Variants in TBX18 observed in about 807,000 individuals in gnomAD.
TBX18 encodes T-box transcription factor TBX18.
Under a neutral mutation model 55.0 loss-of-function variants are expected in TBX18, and 21 were observed. The ratio of observed to expected loss-of-function variants is 0.38; its 90% CI spans 0.27 to 0.55. The LOEUF (loss-of-function observed/expected upper bound fraction) is 0.55. Ranked by LOEUF, TBX18 falls within the 20% of genes least tolerant of loss-of-function variation. The pLI is 0.73. For missense variants in TBX18, 840 were observed against 799.6 expected (o/e 1.05, Z -0.61); for synonymous variants, 342 against 326.1 (o/e 1.05, Z -0.53).
In TBX18 at chr6:84,764,416, T is replaced by G. The variant is rs1767760361; in HGVS notation, c.-235A>C. 5 of 539,980 alleles carry G rather than the reference T, an allele frequency of 9.3e-6. No homozygotes were observed. Among genetic ancestry groups the G allele is most frequent in the South Asian group, 3.3e-5 (1 of 30,444 alleles). 33.4% of individuals were successfully genotyped at this position (539,980 alleles called of 1,614,324 possible). A position where few individuals can be genotyped will look rare whatever the true frequency, so the allele number is the denominator to read the frequency against. ...CCTTTCCTGGGTCTCTCTCGCGCGC[T>G]CTCTCACTGATGCACTCCTTTGCTC... On this transcript the variant is annotated 5_prime_UTR_variant, in exon 1 of 8. Transcript: ENST00000369663.
chr6:84,736,654 G>T lies in TBX18; in HGVS notation c.*31C>A. On this transcript the variant is annotated 3_prime_UTR_variant, in exon 8 of 8. Coordinates refer to ENST00000369663, the MANE Select transcript of TBX18 (RefSeq NM_001080508.3). ...AAAGAAAAAGAAAATATGTTAGACA[G>T]ATCCAAATGTCATTTAACTTAAAGG... 6.7e-7 allele frequency: 1 copy of T among 1,499,746 alleles called. No individual in the cohort carries two copies. 92.9% of individuals were successfully genotyped at this position (1,499,746 alleles called of 1,614,324 possible). A position where few individuals can be genotyped will look rare whatever the true frequency, so the allele number is the denominator to read the frequency against.
At chr6:84,746,656 C>T (rs1034089416) in intron 5 of TBX18, among the ~76,000 whole-genome samples, 2 of 146,120 alleles carry the variant, frequency 1.4e-5, no homozygotes, top group African/African-American at 5.0e-5. Flanking sequence ...TAATTATGTA[C>T]TATATTACAC....
chr6:84,750,283 C>CA (rs546686776), intron 4 of TBX18, among the ~76,000 whole-genome samples: 22,104 of 94,226 alleles, frequency 0.23, 2,259 homozygotes, highest in East Asian at 0.43. Flanking sequence ...GATTCTATCT[C>CA]AAAAAAAAAA....
intron 2 of TBX18, 97 bp from the exon 3 acceptor site, chr6:84,760,453 T>A: frequency 1.4e-6 from 1 of 689,786 alleles, no homozygotes; most frequent in Non-Finnish European, 2.3e-6. Flanking sequence ...ATCTCTATTT[T>A]TAATATGGAT....
chr6:84,743,673 G>A (rs1582068986), intron 6 of TBX18, among the ~76,000 whole-genome samples: 1 of 152,090 alleles, frequency 6.6e-6, no homozygotes, highest in East Asian at 1.9e-4. Context: ...TCTGCTTTTT[G>A]ATAAAAGTAA....
At chr6:84,739,912 T>G (rs914304599) in intron 6 of TBX18, among the ~76,000 whole-genome samples, 1 of 152,208 alleles carries the variant, frequency 6.6e-6, no homozygotes, top group Admixed American at 6.5e-5. Flanking sequence ...TCTCTGTTAA[T>G]TGATTTCTGT....
At chr6:84,754,483 A>G (rs1474881017) in intron 4 of TBX18, among the ~76,000 whole-genome samples, 1 of 152,180 alleles carries the variant, frequency 6.6e-6, no homozygotes, top group Non-Finnish European at 1.5e-5. Flanking sequence ...CTACAACCTT[A>G]AAAGAAAAAT....
At chr6:84,746,177 C>T (rs1767179115) in intron 5 of TBX18, among the ~76,000 whole-genome samples, 1 of 151,838 alleles carries the variant, frequency 6.6e-6, no homozygotes, top group South Asian at 2.1e-4. Context: ...ACTTACTGTA[C>T]CACAGAGGGT....
Position 84,764,505 on chromosome 6 carries a change from A to C in TBX18, c.-324T>G. 3.1e-6 allele frequency: 1 copy of C among 323,242 alleles called. No individual in the cohort carries two copies. Among genetic ancestry groups the C allele is most frequent in the Non-Finnish European group, 5.6e-6 (1 of 178,612 alleles). 20.0% of individuals were successfully genotyped at this position (323,242 alleles called of 1,614,324 possible). A position where few individuals can be genotyped will look rare whatever the true frequency, so the allele number is the denominator to read the frequency against. On this transcript the variant is annotated 5_prime_UTR_variant, in exon 1 of 8. The change creates a premature stop within an existing upstream ORF in the 5' untranslated region. Coordinates refer to ENST00000369663, the MANE Select transcript of TBX18 (RefSeq NM_001080508.3). ...CTCAACTGATGCGCCAGAGAGGACT[A>C]ACATGGGTAAAAAACACTCTGTGGA... is the stretch of plus-strand genomic sequence containing the variant.
chr6:84,739,102 T>A (rs1766973678), intron 6 of TBX18, among the ~76,000 whole-genome samples: 1 of 152,050 alleles, frequency 6.6e-6, no homozygotes, highest in Non-Finnish European at 1.5e-5. Flanking sequence ...GAAGACTGAC[T>A]TCTCTCTCAG....
chr6:84,735,678 TA>T lies in TBX18; in HGVS notation c.*1006del. 1.3e-5 allele frequency: 2 copies of T among 152,236 alleles called. No homozygotes were observed. The highest frequency in any genetic ancestry group is 2.9e-5 in the Non-Finnish European group (2 of 68,032). The allele number at this position is 152,236 out of a possible 1,614,324, so 9.4% of individuals were successfully genotyped here. A position where few individuals can be genotyped will look rare whatever the true frequency, so the allele number is the denominator to read the frequency against. On this transcript the variant is annotated 3_prime_UTR_variant, in exon 8 of 8. Transcript: ENST00000369663. ...AGCATAAATGCATTTTTTTTACTTA[TA>T]TACTATCGGTCAGGAAGCTCAGAGC...
At chr6:84,750,569 T>C (rs868309466) in intron 4 of TBX18, among the ~76,000 whole-genome samples, 1 of 152,110 alleles carries the variant, frequency 6.6e-6, no homozygotes, top group Non-Finnish European at 1.5e-5. Context: ...AATTTATAGA[T>C]AGAAAACTAA....
intron 7 of TBX18, 128 bp downstream of exon 7, chr6:84,738,369 A>G: frequency 2.5e-6 from 2 of 788,268 alleles, no homozygotes; most frequent in Non-Finnish European, 4.4e-6. Flanking sequence ...AGACAGATGG[A>G]ATCTGTAGGA....
intron 5 of TBX18, among the ~76,000 whole-genome samples, chr6:84,745,651 G>T (rs1461968414): frequency 6.6e-6 from 1 of 152,026 alleles, no homozygotes; most frequent in Non-Finnish European, 1.5e-5. Context: ...CTTCTTTACA[G>T]ATCAATATAG....
At position 84,737,347 on chromosome 6, in the gene TBX18, G is replaced by A. The variant is rs1486800357; in HGVS notation, c.1162C>T (p.His388Tyr). The A allele has an allele frequency of 6.4e-7, 1 of 1,567,682 alleles. No individual in the cohort carries two copies. Among genetic ancestry groups the A allele is most frequent in the Non-Finnish European group, 8.6e-7 (1 of 1,159,250 alleles). The part of the protein sequence containing the change: ...TGNGVPATHP[H>Y]LLSGSSCSSP... Reference sequence around the variant, plus strand: ...GAGCAAGAGGAGCCAGACAAAAGGTGAGGGTGAGTGGCAGGAACGCCATTC... The same window carrying A: ...GAGCAAGAGGAGCCAGACAAAAGGTAAGGGTGAGTGGCAGGAACGCCATTC... Residue 388 changes from histidine (H) to tyrosine (Y), a missense_variant, in exon 8 of 8, where the codon CAC becomes TAC. Physicochemically the swap from His to Tyr is moderately conservative, Grantham distance 83. Coordinates refer to ENST00000369663, the MANE Select transcript of TBX18 (RefSeq NM_001080508.3).
intron 3 of TBX18, among the ~76,000 whole-genome samples, chr6:84,757,479 T>C (rs1334307374): frequency 6.6e-6 from 1 of 152,198 alleles, no homozygotes; most frequent in Non-Finnish European, 1.5e-5. Context: ...TTCAGTTTAA[T>C]TGGAAAATTT....
chr6:84,755,928 ATTTCT>A (rs1767475223), intron 4 of TBX18, among the ~76,000 whole-genome samples: 1 of 152,224 alleles, frequency 6.6e-6, no homozygotes, highest in African/African-American at 2.4e-5. Context: ...ACAAGTTGGT[ATTTCT>A]TTTATGTATG....
intron 6 of TBX18, among the ~76,000 whole-genome samples, chr6:84,744,047 G>A (rs2015518): frequency 2.6e-5 from 4 of 151,958 alleles, no homozygotes; most frequent in Non-Finnish European, 4.4e-5. Context: ...TGAGAGCTTC[G>A]ATTTTCAGCT....
Position 84,736,658 on chromosome 6 carries a change from C to T in TBX18, c.*27G>A. The T allele has an allele frequency of 6.7e-7, 1 of 1,498,350 alleles. No individual in the cohort carries two copies. Among genetic ancestry groups the T allele is most frequent in the Admixed American group, 2.4e-5 (1 of 41,618 alleles). 92.8% of individuals were successfully genotyped at this position (1,498,350 alleles called of 1,614,324 possible). On this transcript the variant is annotated 3_prime_UTR_variant, in exon 8 of 8. Transcript: ENST00000369663. ...AAAAAGAAAATATGTTAGACAGATC[C>T]AAATGTCATTTAACTTAAAGGCTTC...
Sources: gnomAD v4.1 joint callset for allele counts (sites outside exome capture counted in the v4.1 genomes callset) on GRCh38, gnomAD v4.1.1 for gene constraint, MANE v1.5 for transcripts, NCBI Gene and HGNC (gene_info 2026-07-23, HGNC 2026-07-21) for gene names.